BIVM: variants seen among roughly 807,000 people sequenced by gnomAD.
BIVM encodes basic immunoglobulin-like variable motif-containing protein.
A neutral mutation model predicts 61.4 loss-of-function variants in BIVM; 31 were observed. That is an observed-to-expected ratio of 0.51 (90% CI 0.38 to 0.68). The LOEUF (loss-of-function observed/expected upper bound fraction) is 0.68. Ranked by LOEUF, BIVM falls within the 30% of genes least tolerant of loss-of-function variation. The pLI, the probability that BIVM is intolerant of heterozygous loss-of-function variation, is 0.00. For synonymous variants in BIVM, 189 were observed against 210.7 expected, an observed-to-expected ratio of 0.90 and a Z score of 0.89; for missense variants, 526 against 596.0, an observed-to-expected ratio of 0.88 and a Z score of 1.22.
chr13:102,810,765 C>G (rs1228385634), intron 3 of BIVM, among the ~76,000 whole-genome samples: 1 of 152,186 alleles, frequency 6.6e-6, no homozygotes, highest in Non-Finnish European at 1.5e-5. Flanking sequence ...GGGTCTTGCT[C>G]TCTTGCCCAG....
At position 102,832,237 on chromosome 13, in the gene BIVM, C is replaced by A. The variant is rs552873574; in HGVS notation, c.1034+540C>A. ...ACAGGGTCTCACTCTGTCATCCAGG[C>A]TGGAGTGCAATGGTGTAATTATAGG... is the stretch of plus-strand genomic sequence containing the variant. On this transcript the variant is annotated intron_variant, in intron 8 of 10. Transcript: ENST00000257336. 7.9e-5 allele frequency among the ~76,000 whole-genome samples: 12 copies of A among 152,290 alleles called. No individual in the cohort carries two copies. The East Asian group carries it at 2.3e-3, about 29-fold the overall frequency.
At chr13:102,831,804 C>T (rs563919745) in intron 8 of BIVM, 107 bp downstream of exon 8, 115 of 1,245,794 alleles carry the variant, frequency 9.2e-5, no homozygotes, top group Non-Finnish European at 1.0e-4. Context: ...CCGAGGTGGG[C>T]GGATCACGAG....
chr13:102,807,611 G>C lies in BIVM; in HGVS notation c.344G>C (p.Ser115Thr). ...TCAAGATACATTGGTATCCCGACTA[G>C]TACATCGGAAATTATCTACAATGAA... ...NSSRYIGIPTSTSEIIYNEEN... is the reference protein window; with the variant it reads ...NSSRYIGIPTTTSEIIYNEEN... Residue 115 changes from serine to threonine, a missense_variant, in exon 3 of 11, where the codon AGT (serine) becomes ACT (threonine). Physicochemically the swap from Ser to Thr is moderately conservative, Grantham distance 58 (BLOSUM62 1). Transcript: ENST00000257336. The surrounding 1 kb of genome is among the most constrained non-coding windows in gnomAD (Gnocchi z 4.0). 6.2e-7 allele frequency: 1 copy of C among 1,614,098 alleles called. No individual in the cohort carries two copies. Among genetic ancestry groups the C allele is most frequent in the Non-Finnish European group, 8.5e-7 (1 of 1,180,040 alleles).
Position 102,809,875 on chromosome 13 carries a change from T to TC in BIVM, c.478+2133dup, listed in dbSNP as rs1241887345. On this transcript the variant is annotated intron_variant, in intron 3 of 10. Transcript: ENST00000257336. ...ATCTCGGCTCACTGCAAGCTCCGCC[T>TC]CCCGGGTTCACACCATTCTCCTGCC... Among the ~76,000 whole-genome samples the TC allele has an allele frequency of 5.3e-5, 8 of 150,252 alleles. No individual in the cohort carries two copies. In the East Asian group the frequency reaches 1.6e-3, roughly 30 times the overall value.
chr13:102,823,443 A>C (rs1349781937), intron 7 of BIVM, among the ~76,000 whole-genome samples: 1 of 152,228 alleles, frequency 6.6e-6, no homozygotes, highest in African/African-American at 2.4e-5. Context: ...TGTGAGGATA[A>C]AAGGAGACAT....
At chr13:102,830,323 G>A (rs1383623599) in intron 7 of BIVM, among the ~76,000 whole-genome samples, 2 of 152,192 alleles carry the variant, frequency 1.3e-5, no homozygotes, top group African/African-American at 4.8e-5. Context: ...TCAGTGGCCA[G>A]AAAGTCGATC....
At chr13:102,820,882 G>T in intron 4 of BIVM, 155 bp from the exon 5 acceptor site, 6 of 633,494 alleles carry the variant, frequency 9.5e-6, no homozygotes, top group East Asian at 3.1e-5. Context: ...TTATATTTAT[G>T]ACATGATTAA....
intron 4 of BIVM, 73 bp from the exon 5 acceptor site, chr13:102,820,964 C>T (rs1319397667): frequency 1.4e-6 from 2 of 1,410,458 alleles, no homozygotes; most frequent in Non-Finnish European, 2.0e-6. Flanking sequence ...CTTTAATTGC[C>T]ATGAGTTTTC....
intron 3 of BIVM, among the ~76,000 whole-genome samples, chr13:102,808,387 A>G (rs1595333911): frequency 6.6e-6 from 1 of 152,332 alleles, no homozygotes; most frequent in African/African-American, 2.4e-5. Context: ...GAAGAAATTG[A>G]GGCTTAGAAG....
intron 7 of BIVM, among the ~76,000 whole-genome samples, chr13:102,829,454 T>C (rs1432867011): frequency 6.6e-6 from 1 of 152,182 alleles, no homozygotes; most frequent in Non-Finnish European, 1.5e-5. Flanking sequence ...CAGACTCAAC[T>C]TCATTCTGAA....
intron 3 of BIVM, among the ~76,000 whole-genome samples, chr13:102,812,939 G>T (rs1015515906): frequency 6.6e-6 from 1 of 152,174 alleles, no homozygotes; most frequent in Non-Finnish European, 1.5e-5. Context: ...TGCCCACCAT[G>T]GTTCCCACAA....
At chr13:102,810,130 T>G (rs1451715319) in intron 3 of BIVM, among the ~76,000 whole-genome samples, 1 of 152,220 alleles carries the variant, frequency 6.6e-6, no homozygotes, top group Non-Finnish European at 1.5e-5. Context: ...TCCTCATTCC[T>G]TCTCCTCACA....
chr13:102,800,562 A>G (rs1878689755), intron 1 of BIVM: 1 of 141,052 alleles, frequency 7.1e-6, no homozygotes, highest in African/African-American at 2.8e-5. Context: ...GGCCTGCGCG[A>G]CTGTCTACTC....
intron 7 of BIVM, among the ~76,000 whole-genome samples, chr13:102,826,110 A>C (rs1354930868): frequency 6.6e-6 from 1 of 152,168 alleles, no homozygotes. Flanking sequence ...AACTTCTAAG[A>C]GAGAATTTTG....
chr13:102,801,743 A>C (rs933480900), intron 1 of BIVM: 2 of 152,238 alleles, frequency 1.3e-5, no homozygotes, highest in African/African-American at 4.8e-5. Context: ...GCAGACGTTG[A>C]TCATATGAAC....
At chr13:102,803,795 GA>G (rs1323298068) in intron 1 of BIVM, among the ~76,000 whole-genome samples, 1 of 151,936 alleles carries the variant, frequency 6.6e-6, no homozygotes, top group Non-Finnish European at 1.5e-5. Flanking sequence ...CTGATGTAGA[GA>G]AAGGCATGAA....
intron 3 of BIVM, among the ~76,000 whole-genome samples, chr13:102,811,675 C>A (rs895115092): frequency 6.6e-6 from 1 of 152,230 alleles, no homozygotes; most frequent in Non-Finnish European, 1.5e-5. Flanking sequence ...AGGCGTGCGC[C>A]ACCATGCCTG....
At chr13:102,821,942 G>A in intron 6 of BIVM, 95 bp downstream of exon 6, 1 of 1,534,416 alleles carries the variant, frequency 6.5e-7, no homozygotes, top group South Asian at 1.2e-5. Flanking sequence ...GTATCCAGCT[G>A]CTGGGCTTCA....
At chr13:102,799,794 A>G (rs926112285) in intron 1 of BIVM, among the ~76,000 whole-genome samples, 5 of 151,766 alleles carry the variant, frequency 3.3e-5, no homozygotes, top group Admixed American at 6.6e-5. Flanking sequence ...TCGCGGGGGG[A>G]AGAGAAGCGC....
Sources: gnomAD v4.1 joint callset for allele counts (sites outside exome capture counted in the v4.1 genomes callset) on GRCh38, gnomAD v4.1.1 for gene constraint, Gnocchi (gnomAD v3.1) non-coding constraint, MANE v1.5 for transcripts, NCBI Gene and HGNC (gene_info 2026-07-23, HGNC 2026-07-21) for gene names.